The following LAD1 variants were observed in gnomAD, a reference collection of about 807,000 sequenced individuals.
The protein encoded by LAD1 is ladinin-1.
LAD1 carries 53 observed loss-of-function variants against 54.2 expected under a neutral mutation model. That is an observed-to-expected ratio of 0.98 (90% CI 0.78 to 1.23). LAD1 has a LOEUF of 1.23. Among genes scored for constraint, LAD1 ranks in the 50% most tolerant of loss-of-function variants. The pLI is 0.00. For synonymous variants in LAD1, 231 were observed against 257.7 expected (o/e 0.90, Z 0.99); for missense variants, 637 against 653.3 (o/e 0.98, Z 0.27).
intron 9 of LAD1, among the ~76,000 whole-genome samples, 158 bp downstream of exon 9, chr1:201,382,094 A>G (rs1661973191): frequency 6.6e-6 from 1 of 152,164 alleles, no homozygotes; most frequent in South Asian, 2.1e-4. Context: ...CCTTGTTCTC[A>G]CGGTTGGCTC....
At chr1:201,394,844 T>C (rs1490689443) in intron 1 of LAD1, among the ~76,000 whole-genome samples, 1 of 152,176 alleles carries the variant, frequency 6.6e-6, no homozygotes, top group East Asian at 1.9e-4. Flanking sequence ...GCCTCTCCCC[T>C]GACCACACCC....
At position 201,389,249 on chromosome 1, in the gene LAD1, C is replaced by A; in HGVS notation, c.93G>T (p.Arg31Ser). 2 of 1,614,080 alleles carry A rather than the reference C, an allele frequency of 1.2e-6. No homozygotes were observed. The highest frequency in any genetic ancestry group is 4.5e-5 in the East Asian group (2 of 44,880). Residue 31 changes from arginine (R) to serine (S), a missense_variant, in exon 2 of 10, where the codon AGG becomes AGT. Transcript: ENST00000391967. ...EDEEEQERER[R>S]RRHRNLSSTT... is the part of the protein sequence containing the mutation. ...TGGAGCTCAGGTTGCGGTGCCGCCG[C>A]CTGCGCTCGCGCTCCTGTTCCTCCT...
rs1179348580 is a variant in LAD1 at position 201,386,966 on chromosome 1, A to G, written c.395T>C (p.Leu132Pro). 1 of 1,610,070 alleles carries G rather than the reference A, an allele frequency of 6.2e-7. No individual in the cohort carries two copies. The highest frequency in any genetic ancestry group is 8.5e-7 in the Non-Finnish European group (1 of 1,178,780). ...GATTTCCAGTTCCTTCTTGGAGACT[A>G]GGGGTTTCTGTGTGGCCTGCACAGG... Reference protein sequence around the residue: ...LSPVQATQKPLVSKKELEIPP... With the variant: ...LSPVQATQKPPVSKKELEIPP... Residue 132 changes from leucine to proline, a missense_variant, in exon 3 of 10, where the codon CTA (leucine) becomes CCA (proline). Leu to Pro is a moderately conservative substitution (Grantham distance 98). Transcript: ENST00000391967.
At chr1:201,384,121 G>A (rs1662025921) in intron 5 of LAD1, among the ~76,000 whole-genome samples, 1 of 152,168 alleles carries the variant, frequency 6.6e-6, no homozygotes, top group African/African-American at 2.4e-5. Context: ...GTTTGAGAGA[G>A]CTGCTATAGG....
intron 4 of LAD1, 92 bp from the exon 5 acceptor site, chr1:201,384,927 T>A (rs1297745760): frequency 4.1e-6 from 5 of 1,230,054 alleles, no homozygotes; most frequent in Middle Eastern, 5.3e-4. Context: ...AGACATGTCC[T>A]CCTCCTCTTC....
At chr1:201,384,702 C>T in intron 5 of LAD1, 90 bp downstream of exon 5, 5 of 1,353,312 alleles carry the variant, frequency 3.7e-6, no homozygotes, top group Non-Finnish European at 5.3e-6. Context: ...CCCTACCGCA[C>T]AGCCTGGCAC....
At position 201,386,365 on chromosome 1, in the gene LAD1, C is replaced by A. The variant is rs764593302; in HGVS notation, c.996G>T (p.Val332=). The part of the protein sequence containing the change: ...AKQGASDPPT[V]ASRLPPVTLQ... ...GTGTGACGGGTGGGAGGCGGGAGGC[C>A]ACAGTCGGAGGGTCTGAAGCCCCCT... The change falls in exon 3 of 10, where the codon GTG becomes GTT. Residue 332 remains valine, a synonymous_variant. Coordinates refer to ENST00000391967, the MANE Select transcript of LAD1 (RefSeq NM_005558.4). 3 of 1,494,506 alleles carry A rather than the reference C, an allele frequency of 2.0e-6. No homozygotes were observed. Among genetic ancestry groups the A allele is most frequent in the Non-Finnish European group, 2.7e-6 (3 of 1,124,052 alleles). 92.6% of individuals were successfully genotyped at this position (1,494,506 alleles called of 1,614,324 possible).
At chr1:201,385,559 C>T (rs1662057123) in intron 4 of LAD1, 142 bp downstream of exon 4, 4 of 721,824 alleles carry the variant, frequency 5.5e-6, no homozygotes, top group Non-Finnish European at 1.0e-5. Flanking sequence ...CTTGTTTGTT[C>T]AGGGCCACCC....
At chr1:201,383,448 G>T (rs1662009714) in intron 5 of LAD1, 59 bp from the exon 6 acceptor site, 12 of 1,490,306 alleles carry the variant, frequency 8.1e-6, no homozygotes, top group Non-Finnish European at 1.1e-5. Flanking sequence ...GACCAGGCCT[G>T]CCCCCAGGGC....
At chr1:201,392,232 A>G (rs1195552832) in intron 1 of LAD1, among the ~76,000 whole-genome samples, 1 of 152,250 alleles carries the variant, frequency 6.6e-6, no homozygotes, top group African/African-American at 2.4e-5. Context: ...CATCCCCTGG[A>G]TTGAGCCAAT....
chr1:201,395,555 A>G (rs536537750), intron 1 of LAD1, among the ~76,000 whole-genome samples: 85 of 152,252 alleles, frequency 5.6e-4, no homozygotes, highest in African/African-American at 2.0e-3. Context: ...GGAGTTCGAG[A>G]TCAGGCCGGC....
At chr1:201,384,049 C>T (rs560674606) in intron 5 of LAD1, among the ~76,000 whole-genome samples, 1 of 152,232 alleles carries the variant, frequency 6.6e-6, no homozygotes, top group Non-Finnish European at 1.5e-5. Context: ...GAGCTCCTAG[C>T]CCTGGGTTCA....
Position 201,386,922 on chromosome 1 carries a change from T to A in LAD1, c.439A>T (p.Ser147Cys), listed in dbSNP as rs758033364. The change falls in exon 3 of 10, where the codon AGT (serine) becomes TGT (cysteine). Residue 147 changes from serine (S) to cysteine (C), a missense_variant. Ser to Cys is a moderately radical substitution (Grantham distance 112, BLOSUM62 -1). Coordinates refer to ENST00000391967, the MANE Select transcript of LAD1 (RefSeq NM_005558.4). The stretch of plus-strand genomic sequence containing the variant: ...GCCCAGGGGCCCCGCTGTTCCCGAC[T>A]CAGTCTCCGGCGAGGTGGGATTTCC... ...ELEIPPRRRL[S>C]REQRGPWALE... The A allele has an allele frequency of 6.2e-7, 1 of 1,613,512 alleles. No individual in the cohort carries two copies. Among genetic ancestry groups the A allele is most frequent in the Admixed American group, 1.7e-5 (1 of 59,866 alleles).
intron 1 of LAD1, among the ~76,000 whole-genome samples, chr1:201,394,179 T>C (rs1662246175): frequency 6.6e-6 from 1 of 152,132 alleles, no homozygotes; most frequent in Non-Finnish European, 1.5e-5. Context: ...CAAGTAAGTG[T>C]CAATTTCAGG....
chr1:201,394,267 C>A (rs890389523), intron 1 of LAD1, among the ~76,000 whole-genome samples: 10 of 152,186 alleles, frequency 6.6e-5, no homozygotes, highest in African/African-American at 2.4e-4. Flanking sequence ...GGAACAAAGC[C>A]CACTCCTCCC....
Position 201,386,405 on chromosome 1 carries a change from G to A in LAD1, c.956C>T (p.Pro319Leu), listed in dbSNP as rs773059912. The A allele has an allele frequency of 1.5e-5, 23 of 1,525,304 alleles. No homozygotes were observed. In the South Asian group the frequency reaches 2.8e-4, roughly 19 times the overall value. The allele number at this position is 1,525,304 out of a possible 1,614,324, so 94.5% of individuals were successfully genotyped here. A position where few individuals can be genotyped will look rare whatever the true frequency, so the allele number is the denominator to read the frequency against. Residue 319 changes from proline (P) to leucine (L), a missense_variant, in exon 3 of 10, where the codon CCC becomes CTC. Physicochemically the swap from Pro to Leu is moderately conservative, Grantham distance 98. Coordinates refer to ENST00000391967, the MANE Select transcript of LAD1 (RefSeq NM_005558.4). Reference protein sequence around the residue: ...RGRALPGKNLPSLAKQGASDP... With the variant: ...RGRALPGKNLLSLAKQGASDP... The stretch of plus-strand genomic sequence containing the variant: ...TGAAGCCCCCTGCTTTGCCAAAGAG[G>A]GCAGGTTCTTCCCAGGGAGGGCCCT...
rs748567610 is a variant in LAD1, at chr1:201,381,896, GTGGGGCAAAGAGCTGTTAGCACAAGTCAA to G, written c.1549-32_1549-4del. 1.2e-6 allele frequency: 2 copies of G among 1,613,804 alleles called. No individual in the cohort carries two copies. Among genetic ancestry groups the G allele is most frequent in the Non-Finnish European group, 1.7e-6 (2 of 1,179,806 alleles). ...TGTCTTGGCGGGGCTTGTCACACCT[GTGGGGCAAAGAGCTGTTAGCACAAGTCAA>G]TGGGGTGTCAGGGATGGAAGGGGAA... is the stretch of plus-strand genomic sequence containing the variant. On this transcript the variant is annotated splice_region_variant and splice_polypyrimidine_tract_variant and intron_variant, in intron 9 of 9. Coordinates refer to ENST00000391967, the MANE Select transcript of LAD1 (RefSeq NM_005558.4).
rs560096148 is a variant in LAD1 at position 201,383,690 on chromosome 1, C to T, written c.1176-301G>A. On this transcript the variant is annotated intron_variant, in intron 5 of 9. Transcript: ENST00000391967. ...TCCTTCCTTTCCGTCTTCCCCATCA[C>T]AGCAATCGCCACTTACCTGCTCTCC... is the stretch of plus-strand genomic sequence containing the variant. 9.6e-6 allele frequency: 4 copies of T among 417,436 alleles called. No homozygotes were observed. In the East Asian group the frequency reaches 2.2e-4, roughly 23 times the overall value. The allele number at this position is 417,436 out of a possible 1,614,324, so 25.9% of individuals were successfully genotyped here.
intron 7 of LAD1, 146 bp from the exon 8 acceptor site, chr1:201,382,885 T>C: frequency 2.1e-5 from 20 of 972,622 alleles, no homozygotes; most frequent in Non-Finnish European, 3.0e-5. Flanking sequence ...CCCCTCCCCT[T>C]CCCCCAGGGA....
Sources: allele counts gnomAD v4.1 joint callset (sites outside exome capture counted in the v4.1 genomes callset), GRCh38; gene constraint gnomAD v4.1.1; transcripts MANE v1.5; gene names NCBI Gene and HGNC (gene_info 2026-07-23, HGNC 2026-07-21).